The following AVIL variants were observed in gnomAD, a reference collection of about 807,000 sequenced individuals.
The protein encoded by AVIL is advillin.
Under a neutral mutation model 109.9 loss-of-function variants are expected in AVIL, and 78 were observed. The ratio of observed to expected loss-of-function variants is 0.71; its 90% CI spans 0.59 to 0.86. The LOEUF is 0.86. AVIL is among the 40% of genes least tolerant of loss of function. The pLI, the probability that AVIL is intolerant of heterozygous loss-of-function variation, is 0.00. For synonymous variants in AVIL, 367 were observed against 379.1 expected (o/e 0.97, Z 0.37); for missense variants, 892 against 1,016.5 (o/e 0.88, Z 1.67).
chr12:57,810,649 C>T (rs1047240360), intron 6 of AVIL, 98 bp from the exon 7 acceptor site: 36 of 1,316,136 alleles, frequency 2.7e-5, no homozygotes, highest in Non-Finnish European at 3.7e-5. Context: ...ACAGGAGTTA[C>T]TTGGATGCTG....
chr12:57,809,320 A>G lies in AVIL; in HGVS notation c.939+277T>C, dbSNP rs149157419. On this transcript the variant is annotated intron_variant, in intron 9 of 19. Transcript: ENST00000549994. ...CGGCCCTGAGTGCTTTACAAATGAT[A>G]TTTAATCCTCACAATAACCCTAGGA... 5.9e-4 allele frequency: 283 copies of G among 480,446 alleles called. 1 individual carries two copies. The highest frequency in any genetic ancestry group is 5.1e-3 in the African/African-American group (263 of 51,162). The allele number at this position is 480,446 out of a possible 1,614,324, so 29.8% of individuals were successfully genotyped here.
At position 57,808,432 on chromosome 12, in the gene AVIL, G is replaced by C. The variant is rs1456329205; in HGVS notation, c.1056C>G (p.Thr352=). The C allele has an allele frequency of 6.2e-7, 1 of 1,614,044 alleles. No homozygotes were observed. The highest frequency in any genetic ancestry group is 1.3e-5 in the African/African-American group (1 of 74,920). The change falls in exon 10 of 20, where the codon ACC becomes ACG. Residue 352 remains threonine, a synonymous_variant. Transcript: ENST00000549994. ...TGCTGAACGTTTTCCCCAGGCCCAT[G>C]GTCTGGTCCTTTACTGACCACTTCT... The part of the protein sequence containing the change: ...LFQKWSVKDQ[T]MGLGKTFSIG...
In AVIL at chr12:57,803,553, T is replaced by G. The variant is rs763351305; in HGVS notation, c.1788A>C (p.Gly596=). ...TATCATTGGCATAGGGAGTTTTCCC[T>G]CCCAGTAGGTCCCAGAACTCGGCTG... ...QEPAEFWDLL[G]GKTPYANDKR... is the part of the protein sequence containing the mutation. Residue 596 remains glycine, a synonymous_variant, in exon 15 of 20, where the codon GGA becomes GGC. Transcript: ENST00000549994. The G allele has an allele frequency of 1.2e-6, 2 of 1,614,022 alleles. No individual in the cohort carries two copies. The highest frequency in any genetic ancestry group is 1.7e-6 in the Non-Finnish European group (2 of 1,180,024).
intron 14 of AVIL, among the ~76,000 whole-genome samples, chr12:57,805,200 C>T (rs1955923955): frequency 6.6e-6 from 1 of 151,828 alleles, no homozygotes; most frequent in Non-Finnish European, 1.5e-5. Context: ...GGACTACAGG[C>T]GTGCACCACC....
rs371107659 is a variant in AVIL, at chr12:57,798,685, C to T, written c.2347-690G>A. ...AGGCTGGAGTACAGTGGCACAATCT[C>T]GGCTCACTGCAACCTCTGCCTCCCG... On this transcript the variant is annotated intron_variant, in intron 19 of 19. Coordinates refer to ENST00000549994, the MANE Select transcript of AVIL (RefSeq NM_006576.4). 4.6e-3 allele frequency among the ~76,000 whole-genome samples: 699 copies of T among 151,156 alleles called. 17 individuals carry two copies. In the South Asian group the frequency reaches 0.068, roughly 15 times the overall value.
Position 57,809,938 on chromosome 12 carries a change from C to G in AVIL, c.762-48G>C, listed in dbSNP as rs144880939. 3,075 of 1,585,716 alleles carry G rather than the reference C, an allele frequency of 1.9e-3. 4 individuals carry two copies. Among genetic ancestry groups the G allele is most frequent in the Non-Finnish European group, 2.4e-3 (2,826 of 1,156,456 alleles). On this transcript the variant is annotated intron_variant, in intron 7 of 19. Coordinates refer to ENST00000549994, the MANE Select transcript of AVIL (RefSeq NM_006576.4). Reference sequence around the variant, plus strand: ...CTGTGCCTTTTCCTCTATAAAGCATCTTGTAGTCAACTAGATGTTGTTCTG... The same window carrying G: ...CTGTGCCTTTTCCTCTATAAAGCATGTTGTAGTCAACTAGATGTTGTTCTG...
chr12:57,803,679 G>T lies in AVIL; in HGVS notation c.1672-10C>A, dbSNP rs752757136. ...CATCCCCACTAGACCCCTGAGAGTGGGGCGAGGAGAGCACAGATGTTAGTT... is the reference window on the plus strand; with the variant it reads ...CATCCCCACTAGACCCCTGAGAGTGTGGCGAGGAGAGCACAGATGTTAGTT... On this transcript the variant is annotated splice_polypyrimidine_tract_variant and intron_variant, in intron 14 of 19. Coordinates refer to ENST00000549994, the MANE Select transcript of AVIL (RefSeq NM_006576.4). The T allele has an allele frequency of 6.2e-7, 1 of 1,613,300 alleles. No homozygotes were observed. Among genetic ancestry groups the T allele is most frequent in the African/African-American group, 1.3e-5 (1 of 75,016 alleles).
In AVIL at chr12:57,810,834, G is replaced by A. The variant is rs767736088; in HGVS notation, c.540C>T (p.Asn180=). The A allele has an allele frequency of 5.0e-6, 8 of 1,614,076 alleles. No homozygotes were observed. In the African/African-American group the frequency reaches 5.3e-5, roughly 11 times the overall value. The part of the protein sequence containing the change: ...VIIQWNGPES[N]SGERLKAMLL... ...GCCATACCTTCAGGCGCTCCCCACT[G>A]TTGCTCTCTGGGCCATTCCATTGGA... The change falls in exon 6 of 20, where the codon AAC becomes AAT. Residue 180 remains asparagine, a synonymous_variant. Transcript: ENST00000549994.
intron 4 of AVIL, among the ~76,000 whole-genome samples, chr12:57,811,911 C>G (rs1003792390): frequency 1.4e-4 from 21 of 152,234 alleles, no homozygotes; most frequent in Non-Finnish European, 2.1e-4. Flanking sequence ...CTTTATCTGC[C>G]TGTCCTACTC....
At chr12:57,816,570 A>G (rs1265836885) in intron 1 of AVIL, 1 of 152,322 alleles carries the variant, frequency 6.6e-6, no homozygotes, top group African/African-American at 2.4e-5. Flanking sequence ...GCATTTGGAA[A>G]GAAAAGCTAG....
rs1955767104 is a variant in AVIL at position 57,797,867 on chromosome 12, A to G, written c.*15T>C. 6.3e-7 allele frequency: 1 copy of G among 1,596,580 alleles called. No homozygotes were observed. The highest frequency in any genetic ancestry group is 1.3e-5 in the African/African-American group (1 of 74,174). ...TCTTTTCTGTGGCCTTGCAATAGGT[A>G]TAGGCCTTCTTGCTTTAGAAAAGCC... On this transcript the variant is annotated 3_prime_UTR_variant, in exon 20 of 20. Coordinates refer to ENST00000549994, the MANE Select transcript of AVIL (RefSeq NM_006576.4).
At position 57,807,699 on chromosome 12, in the gene AVIL, A is replaced by T; in HGVS notation, c.1223T>A (p.Val408Asp). 1 of 1,614,028 alleles carries T rather than the reference A, an allele frequency of 6.2e-7. No homozygotes were observed. Among genetic ancestry groups the T allele is most frequent in the East Asian group, 2.2e-5 (1 of 44,890 alleles). Residue 408 changes from valine to aspartate, a missense_variant, in exon 12 of 20, where the codon GTC becomes GAC. Transcript: ENST00000549994. ...GCCATACCATTGATACTCCACAGGG[A>T]CCAGCTCCAGGTTCTCAATTCTCCA... ...EVWRIENLEL[V>D]PVEYQWYGFF...
intron 9 of AVIL, 53 bp from the exon 10 acceptor site, chr12:57,808,601 C>A: frequency 6.3e-7 from 1 of 1,588,500 alleles, no homozygotes; most frequent in Non-Finnish European, 8.6e-7. Flanking sequence ...ACACTGAGTT[C>A]TTTGCTTGTC....
At chr12:57,814,476 C>A in intron 2 of AVIL, 1 of 480,988 alleles carries the variant, frequency 2.1e-6, no homozygotes, top group Non-Finnish European at 3.8e-6. Flanking sequence ...GCCCTATTCT[C>A]CACTCTACTT....
Position 57,807,492 on chromosome 12 carries a change from G to T in AVIL, c.1333-3C>A, listed in dbSNP as rs1955966952. The T allele has an allele frequency of 6.2e-7, 1 of 1,614,236 alleles. No individual in the cohort carries two copies. Among genetic ancestry groups the T allele is most frequent in the Admixed American group, 1.7e-5 (1 of 60,038 alleles). On this transcript the variant is annotated splice_polypyrimidine_tract_variant and splice_region_variant and intron_variant, in intron 12 of 19. Coordinates refer to ENST00000549994, the MANE Select transcript of AVIL (RefSeq NM_006576.4). ...TCATCCTGTGAGGCGTGGCGGCCCT[G>T]CAATGGTGAGAGGCCATGAAGGACC...
intron 2 of AVIL, chr12:57,815,750 T>G: frequency 7.0e-7 from 1 of 1,438,428 alleles, no homozygotes; most frequent in South Asian, 1.4e-5. Flanking sequence ...TGTTTTTGTC[T>G]GGAGCCCTGT....
intron 1 of AVIL, among the ~76,000 whole-genome samples, chr12:57,816,725 T>A (rs991106578): frequency 3.0e-5 from 3 of 100,792 alleles, no homozygotes; most frequent in East Asian, 3.6e-4. Context: ...TTTTTTTTTT[T>A]AGAGTAAACT....
At position 57,808,396 on chromosome 12, in the gene AVIL, A is replaced by T. The variant is rs544964496; in HGVS notation, c.1092T>A (p.Ile364=). 3.7e-6 allele frequency: 6 copies of T among 1,614,102 alleles called. No individual in the cohort carries two copies. The African/African-American group carries it at 8.0e-5, about 22-fold the overall frequency. Residue 364 remains isoleucine, a splice_region_variant and synonymous_variant, in exon 10 of 20, where the codon ATT becomes ATA. Transcript: ENST00000549994. ...AGGATGATCTGGGGGCAGTCTCACC[A>T]ATTTTACCAATGCTGAACGTTTTCC... The part of the protein sequence containing the change: ...GLGKTFSIGK[I]AKVFQDKFDV...
intron 12 of AVIL, 41 bp downstream of exon 12, chr12:57,807,549 G>A (rs1357572893): frequency 7.4e-6 from 12 of 1,614,216 alleles, no homozygotes; most frequent in Non-Finnish European, 1.0e-5. Flanking sequence ...GTGGCCAGAG[G>A]ACACATCAGG....
Sources: gnomAD v4.1 joint callset for allele counts (sites outside exome capture counted in the v4.1 genomes callset) on GRCh38, gnomAD v4.1.1 for gene constraint, MANE v1.5 for transcripts, NCBI Gene and HGNC (gene_info 2026-07-23, HGNC 2026-07-21) for gene names.